Variants in RBM26 observed in about 807,000 individuals in gnomAD.
RBM26 encodes RNA binding motif protein 26.
In RBM26, 30 loss-of-function variants were observed where a neutral mutation model predicts 123.6. That is an observed-to-expected ratio of 0.24 (90% confidence interval 0.18 to 0.33). RBM26 has a LOEUF of 0.33. Ranked by LOEUF, RBM26 falls within the 10% of genes least tolerant of loss-of-function variation. RBM26 has a pLI of 1.00. For missense variants in RBM26, 947 were observed against 1,203.6 expected (o/e 0.79, Z 3.15); for synonymous variants, 400 against 404.4 (o/e 0.99, Z 0.13).
chr13:79,368,783 T>C lies in RBM26; in HGVS notation c.842A>G (p.His281Arg). 1 of 1,614,044 alleles carries C rather than the reference T, an allele frequency of 6.2e-7. No individual in the cohort carries two copies. Among genetic ancestry groups the C allele is most frequent in the South Asian group, 1.1e-5 (1 of 91,080 alleles). ...WSEFHEDQVD[H>R]NSYVRPPMPK... ...CATGGGTGGTCTTACGTAAGAGTTA[T>C]GGTCCACTTGGTCTTCATGAAATTC... The change falls in exon 6 of 22, where the codon CAT becomes CGT. Residue 281 changes from histidine (H) to arginine (R), a missense_variant. This residue lies in a region of RBM26 where 275 missense variants were observed against 361.0 expected (regional missense o/e 0.76). Coordinates refer to ENST00000438737, the MANE Select transcript of RBM26 (RefSeq NM_001366735.2).
chr13:79,364,545 A>G (rs182124032), intron 9 of RBM26, among the ~76,000 whole-genome samples: 1 of 152,332 alleles, frequency 6.6e-6, no homozygotes, highest in Non-Finnish European at 1.5e-5. Flanking sequence ...AGCCCAGGAA[A>G]TATTTTCCAT....
At chr13:79,320,791 ATC>A in intron 21 of RBM26, 81 bp from the exon 22 acceptor site, 3 of 1,312,850 alleles carry the variant, frequency 2.3e-6, no homozygotes, top group Admixed American at 3.0e-5. Context: ...TTAAATACTC[ATC>A]TCTCTCAACA....
intron 1 of RBM26, among the ~76,000 whole-genome samples, chr13:79,384,493 GTGATCC>G (rs2077322976): frequency 6.6e-6 from 1 of 152,160 alleles, no homozygotes; most frequent in Non-Finnish European, 1.5e-5. Context: ...CTGGCCTCAA[GTGATCC>G]TTCTTCCTCG....
At chr13:79,391,437 T>TG (rs1487542220) in intron 1 of RBM26, among the ~76,000 whole-genome samples, 1 of 152,154 alleles carries the variant, frequency 6.6e-6, no homozygotes, top group Non-Finnish European at 1.5e-5. Flanking sequence ...TGTGTGTGTG[T>TG]TTTTTTGAGA....
chr13:79,360,603 CA>C (rs931776500), intron 9 of RBM26, among the ~76,000 whole-genome samples: 5 of 151,884 alleles, frequency 3.3e-5, no homozygotes, highest in Non-Finnish European at 5.9e-5. Context: ...TACACTAATC[CA>C]ATAATCTTTG....
chr13:79,329,317 G>C (rs951313904), intron 20 of RBM26, among the ~76,000 whole-genome samples: 1 of 151,458 alleles, frequency 6.6e-6, no homozygotes, highest in Admixed American at 6.6e-5. Flanking sequence ...CTTTATACAT[G>C]TGTATATATG....
At chr13:79,339,230 C>G (rs2070964035) in intron 18 of RBM26, among the ~76,000 whole-genome samples, 1 of 152,134 alleles carries the variant, frequency 6.6e-6, no homozygotes, top group African/African-American at 2.4e-5. Flanking sequence ...TAGAAGCAGA[C>G]AGCAGAATGG....
chr13:79,323,126 G>A (rs975437181), intron 20 of RBM26, among the ~76,000 whole-genome samples: 10 of 151,296 alleles, frequency 6.6e-5, no homozygotes, highest in South Asian at 2.1e-4. Context: ...AATATAAAAC[G>A]TGAACTTAAA....
At chr13:79,359,936 C>A (rs2139693143) in intron 9 of RBM26, among the ~76,000 whole-genome samples, 1 of 151,962 alleles carries the variant, frequency 6.6e-6, no homozygotes, top group East Asian at 1.9e-4. Flanking sequence ...AAATAGTAAA[C>A]AATTCCTAAG....
At chr13:79,341,516 A>T (rs185248614) in intron 17 of RBM26, among the ~76,000 whole-genome samples, 18 of 151,976 alleles carry the variant, frequency 1.2e-4, no homozygotes, top group African/African-American at 3.4e-4. Flanking sequence ...TGAAAGGAAA[A>T]GTAAAAAACA....
At chr13:79,381,813 G>C (rs9545096) in intron 1 of RBM26, among the ~76,000 whole-genome samples, 150,171 of 152,170 alleles carry the variant, frequency 0.99, 74,140 homozygotes, top group East Asian at 1. Context: ...AATAAAAAAC[G>C]ATTAGCCACA....
At chr13:79,356,127 C>G (rs1331287356) in intron 11 of RBM26, among the ~76,000 whole-genome samples, 5 of 152,132 alleles carry the variant, frequency 3.3e-5, no homozygotes, top group Non-Finnish European at 7.4e-5. Context: ...CTCTGGGAGA[C>G]CAAGGCAGGA....
At chr13:79,393,145 T>C (rs1594713404) in intron 1 of RBM26, among the ~76,000 whole-genome samples, 1 of 152,172 alleles carries the variant, frequency 6.6e-6, no homozygotes, top group African/African-American at 2.4e-5. Flanking sequence ...AGTCTGAGTG[T>C]AGAGCACAAG....
intron 1 of RBM26, among the ~76,000 whole-genome samples, chr13:79,400,759 C>G (rs558612049): frequency 6.6e-6 from 1 of 152,064 alleles, no homozygotes; most frequent in South Asian, 2.1e-4. Flanking sequence ...ATGTTATACA[C>G]GCATAGGGCA....
At chr13:79,384,445 T>C (rs964205739) in intron 1 of RBM26, among the ~76,000 whole-genome samples, 2 of 151,986 alleles carry the variant, frequency 1.3e-5, no homozygotes, top group African/African-American at 4.8e-5. Flanking sequence ...GGTGTACAAA[T>C]AGGGTCTTGC....
intron 9 of RBM26, among the ~76,000 whole-genome samples, chr13:79,364,539 C>A (rs1281555456): frequency 6.6e-6 from 1 of 152,110 alleles, no homozygotes; most frequent in Non-Finnish European, 1.5e-5. Context: ...TTTGTTAGCC[C>A]AGGAAATATT....
intron 21 of RBM26, among the ~76,000 whole-genome samples, chr13:79,321,738 C>A (rs183449636): frequency 2.0e-5 from 3 of 151,516 alleles, no homozygotes; most frequent in Admixed American, 6.6e-5. Context: ...ACTATCAATA[C>A]CTCCTTTAAA....
chr13:79,369,633 T>G (rs1423753918), intron 5 of RBM26, among the ~76,000 whole-genome samples: 2 of 152,134 alleles, frequency 1.3e-5, no homozygotes, highest in African/African-American at 4.8e-5. Flanking sequence ...CAAAAAAAGT[T>G]TGAGAAAAGG....
intron 20 of RBM26, among the ~76,000 whole-genome samples, chr13:79,328,985 G>C (rs1593967236): frequency 6.6e-6 from 1 of 151,828 alleles, no homozygotes; most frequent in Non-Finnish European, 1.5e-5. Context: ...ACACACTATG[G>C]CAAGAGTGTA....
Sources: allele counts gnomAD v4.1 joint callset (sites outside exome capture counted in the v4.1 genomes callset), GRCh38; gene constraint gnomAD v4.1.1; regional missense constraint gnomAD v4.1.1; transcripts MANE v1.5; gene names NCBI Gene and HGNC (gene_info 2026-07-23, HGNC 2026-07-21).